Variants in GTF2IRD1 observed in about 807,000 individuals in gnomAD.
GTF2IRD1 encodes general transcription factor II-I repeat domain-containing protein 1.
A neutral mutation model predicts 113.2 loss-of-function variants in GTF2IRD1; 26 were observed. The ratio of observed to expected loss-of-function variants is 0.23; its 90% CI spans 0.17 to 0.32. The LOEUF is 0.32. Among genes scored for constraint, GTF2IRD1 ranks in the 10% least tolerant of loss-of-function variants. The pLI is 1.00. For synonymous variants in GTF2IRD1, 484 were observed against 529.1 expected (o/e 0.91, Z 1.17); for missense variants, 864 against 1,280.8 (o/e 0.67, Z 4.97).
chr7:74,459,237 A>G (rs1244738968), intron 1 of GTF2IRD1, among the ~76,000 whole-genome samples: 1 of 152,100 alleles, frequency 6.6e-6, no homozygotes, highest in Non-Finnish European at 1.5e-5. Flanking sequence ...AGGCGGGCGG[A>G]TCACCTGAGG....
chr7:74,592,188 C>T (rs1334370577), intron 24 of GTF2IRD1, among the ~76,000 whole-genome samples: 2 of 152,088 alleles, frequency 1.3e-5, no homozygotes, highest in African/African-American at 2.4e-5. Context: ...CAACCTCCAC[C>T]GCCCAGGTTC....
At chr7:74,518,082 G>A (rs1428722267) in intron 4 of GTF2IRD1, 57 bp from the exon 5 acceptor site, 7 of 1,306,856 alleles carry the variant, frequency 5.4e-6, no homozygotes, top group East Asian at 5.1e-5. Context: ...CAGCAGCCCC[G>A]ACCCCAGCCT....
chr7:74,516,017 C>T (rs1323352950), intron 4 of GTF2IRD1, among the ~76,000 whole-genome samples: 2 of 152,210 alleles, frequency 1.3e-5, no homozygotes, highest in Non-Finnish European at 2.9e-5. Context: ...CAGGGGCCCA[C>T]ACACCCATCC....
At chr7:74,532,167 G>A (rs1337173011) in intron 9 of GTF2IRD1, among the ~76,000 whole-genome samples, 24 of 152,026 alleles carry the variant, frequency 1.6e-4, no homozygotes, top group Admixed American at 1.2e-3. Context: ...CACCCCCAAT[G>A]CCCCCCCAGG....
At chr7:74,482,654 C>T (rs1794808757) in intron 1 of GTF2IRD1, among the ~76,000 whole-genome samples, 1 of 152,152 alleles carries the variant, frequency 6.6e-6, no homozygotes, top group Non-Finnish European at 1.5e-5. Context: ...AAGCCCCTCT[C>T]ACCCCCTTCC....
At chr7:74,562,183 G>A (rs144338299) in intron 22 of GTF2IRD1, among the ~76,000 whole-genome samples, 19 of 152,346 alleles carry the variant, frequency 1.2e-4, no homozygotes, top group African/African-American at 4.3e-4. Flanking sequence ...GCCTGGGCCA[G>A]CACCGGCAGT....
intron 1 of GTF2IRD1, among the ~76,000 whole-genome samples, chr7:74,470,350 C>T (rs1447777030): frequency 2.0e-5 from 3 of 152,172 alleles, no homozygotes; most frequent in Admixed American, 6.6e-5. Flanking sequence ...GTGTGACCAT[C>T]GCCACCATCT....
chr7:74,589,711 A>G, intron 22 of GTF2IRD1, 140 bp from the exon 23 acceptor site: 1 of 547,516 alleles, frequency 1.8e-6, no homozygotes, highest in Non-Finnish European at 3.3e-6. Flanking sequence ...AGGAAAAAAA[A>G]AAAAACAGCT....
intron 14 of GTF2IRD1, among the ~76,000 whole-genome samples, chr7:74,540,773 AC>A (rs1798591048): frequency 6.6e-6 from 1 of 151,744 alleles, no homozygotes; most frequent in African/African-American, 2.4e-5. Context: ...ACATAGAGAG[AC>A]CCATCTCTTA....
chr7:74,547,394 A>T (rs1554353635), intron 17 of GTF2IRD1, 108 bp downstream of exon 17: 2 of 812,220 alleles, frequency 2.5e-6, no homozygotes, highest in African/African-American at 3.5e-5. Flanking sequence ...CAGCCACCTG[A>T]ATAGCTGGGA....
At position 74,512,479 on chromosome 7, in the gene GTF2IRD1, A is replaced by G. The variant is rs1554343229; in HGVS notation, c.124-351A>G. 6.6e-6 allele frequency among the ~76,000 whole-genome samples: 1 copy of G among 152,146 alleles called. No individual in the cohort carries two copies. Among genetic ancestry groups the G allele is most frequent in the African/African-American group, 2.4e-5 (1 of 41,432 alleles). The stretch of plus-strand genomic sequence containing the variant: ...TCTGTCCAGTCCCCGCCTGTCCTGC[A>G]GTTCTTCCCACCTCCTCCTCATCCA... On this transcript the variant is annotated intron_variant, in intron 2 of 26. Coordinates refer to ENST00000424337, the MANE Select transcript of GTF2IRD1 (RefSeq NM_005685.4). This position sits in a 1 kb window ranked among gnomAD's most constrained non-coding sequence, Gnocchi z 4.4.
intron 10 of GTF2IRD1, 34 bp from the exon 11 acceptor site, chr7:74,536,133 G>A (rs371764661): frequency 3.1e-5 from 42 of 1,336,350 alleles, no homozygotes; most frequent in Non-Finnish European, 3.7e-5. Flanking sequence ...AGGCCAGAGG[G>A]CCTTCACCCT....
intron 13 of GTF2IRD1, among the ~76,000 whole-genome samples, chr7:74,539,139 G>A (rs1798481216): frequency 6.6e-6 from 1 of 152,166 alleles, no homozygotes; most frequent in Non-Finnish European, 1.5e-5. Flanking sequence ...CCTCAGTACG[G>A]GGTGACTGTT....
At chr7:74,570,084 C>T (rs187046040) in intron 22 of GTF2IRD1, among the ~76,000 whole-genome samples, 5 of 152,168 alleles carry the variant, frequency 3.3e-5, no homozygotes, top group Non-Finnish European at 5.9e-5. Flanking sequence ...ACAGCAGGGC[C>T]GGGCGCGGTG....
intron 22 of GTF2IRD1, among the ~76,000 whole-genome samples, chr7:74,567,653 C>T (rs371641903): frequency 1.3e-5 from 2 of 152,190 alleles, no homozygotes; most frequent in East Asian, 1.9e-4. Context: ...TCCCCCAACT[C>T]CCCTCCCAGA....
chr7:74,596,960 G>A (rs1802454920), intron 25 of GTF2IRD1, among the ~76,000 whole-genome samples: 1 of 152,102 alleles, frequency 6.6e-6, no homozygotes. Flanking sequence ...GGCTGAGGCT[G>A]GAGGATCACT....
intron 1 of GTF2IRD1, among the ~76,000 whole-genome samples, chr7:74,481,070 G>A (rs547625853): frequency 1.3e-5 from 2 of 152,314 alleles, no homozygotes; most frequent in African/African-American, 2.4e-5. Flanking sequence ...CTTTGCCCCC[G>A]CCTGGGGCCA....
chr7:74,576,728 C>A (rs1554364676), intron 22 of GTF2IRD1, among the ~76,000 whole-genome samples: 2 of 134,880 alleles, frequency 1.5e-5, no homozygotes, highest in African/African-American at 5.7e-5. Context: ...TCAAGCAATT[C>A]TCCTGCCTCA....
rs200691903 is a variant in GTF2IRD1, at chr7:74,521,281, C to T, written c.990C>T (p.Ile330=). The T allele has an allele frequency of 1.4e-5, 22 of 1,608,852 alleles. No individual in the cohort carries two copies. Among genetic ancestry groups the T allele is most frequent in the South Asian group, 2.2e-5 (2 of 90,968 alleles). ...VHASKRILFS[I]VHDKSEKWDA... is the part of the protein sequence containing the mutation. ...CCTCCAAGCGCATTCTCTTCTCCAT[C>T]GTCCATGACAAGTCAGGTAGGACAG... Residue 330 remains isoleucine, a synonymous_variant, in exon 7 of 27, where the codon ATC becomes ATT. Transcript: ENST00000424337.
Sources: allele counts gnomAD v4.1 joint callset (sites outside exome capture counted in the v4.1 genomes callset), GRCh38; gene constraint gnomAD v4.1.1; non-coding constraint Gnocchi (gnomAD v3.1); transcripts MANE v1.5; gene names NCBI Gene and HGNC (gene_info 2026-07-23, HGNC 2026-07-21).